The following NRXN3 variants were observed in gnomAD, a reference collection of about 807,000 sequenced individuals.
NRXN3 encodes neurexin 3.
NRXN3 carries 32 observed loss-of-function variants against 137.6 expected under a neutral mutation model. The observed-to-expected ratio is 0.23, with a 90% CI of 0.18 to 0.31. The LOEUF (loss-of-function observed/expected upper bound fraction) is 0.31. Among genes scored for constraint, NRXN3 ranks in the 10% least tolerant of loss-of-function variants. The probability of loss-of-function intolerance (pLI) is 1.00; values close to 1 mark genes in which losing one functional copy is unlikely to be tolerated. For synonymous variants in NRXN3, 798 were observed against 784.5 expected, an observed-to-expected ratio of 1.02 and a Z score of -0.29; for missense variants, 1,574 against 2,062.5, an observed-to-expected ratio of 0.76 and a Z score of 4.59.
chr14:79,449,227 A>C (rs1391313040), intron 15 of NRXN3, among the ~76,000 whole-genome samples: 4 of 152,140 alleles, frequency 2.6e-5, no homozygotes, highest in African/African-American at 9.7e-5. Context: ...TTAAATAGCC[A>C]CTATACTTGT....
At position 79,006,949 on chromosome 14, in the gene NRXN3, ACT is replaced by A. The variant is rs372578614; in HGVS notation, c.3262+18809_3262+18810del. Among the ~76,000 whole-genome samples the A allele has an allele frequency of 1.4e-4, 22 of 152,256 alleles. 1 individual carries two copies. Among genetic ancestry groups the A allele is most frequent in the African/African-American group, 2.6e-4 (11 of 41,558 alleles). On this transcript the variant is annotated intron_variant, in intron 15 of 20. Coordinates refer to ENST00000335750, the MANE Select transcript of NRXN3 (RefSeq NM_001330195.2). ...AGGGCTCTGATTCTTGCTCAAACTC[ACT>A]ACTGCTAAACTGAAATGCTTGAGGT...
chr14:79,465,545 A>T (rs1199580421), intron 15 of NRXN3, among the ~76,000 whole-genome samples: 2 of 152,238 alleles, frequency 1.3e-5, no homozygotes, highest in African/African-American at 2.4e-5. Context: ...TTTAGGAAGG[A>T]TGACATATGA....
At chr14:79,034,497 G>C (rs892033197) in intron 15 of NRXN3, among the ~76,000 whole-genome samples, 2 of 152,094 alleles carry the variant, frequency 1.3e-5, no homozygotes, top group African/African-American at 2.4e-5. Flanking sequence ...GAGCCCCGTT[G>C]TACCATCTGG....
rs550346047 is a variant in NRXN3, at chr14:79,398,909, C to G, written c.3263-68312C>G. The stretch of plus-strand genomic sequence containing the variant: ...CCTGTAGTCCCAGCTACTCGGTACA[C>G]TGAGGCAGGAGAATCACTTGAACCT... On this transcript the variant is annotated intron_variant, in intron 15 of 20. Transcript: ENST00000335750. Among the ~76,000 whole-genome samples the G allele has an allele frequency of 2.0e-5, 3 of 147,650 alleles. No homozygotes were observed. In the South Asian group the frequency reaches 6.4e-4, roughly 32 times the overall value.
intron 8 of NRXN3, among the ~76,000 whole-genome samples, chr14:78,780,526 A>G (rs1470648285): frequency 6.6e-6 from 1 of 152,174 alleles, no homozygotes; most frequent in Non-Finnish European, 1.5e-5. Context: ...ACAGACTTGG[A>G]GAAAACATTG....
chr14:78,923,701 G>A (rs774519537), intron 10 of NRXN3, among the ~76,000 whole-genome samples: 1 of 152,176 alleles, frequency 6.6e-6, no homozygotes, highest in African/African-American at 2.4e-5. Context: ...TATTTGATCT[G>A]TGCGTGTGCC....
chr14:79,832,183 T>A (rs1052194958), intron 20 of NRXN3, among the ~76,000 whole-genome samples: 1 of 152,198 alleles, frequency 6.6e-6, no homozygotes, highest in Non-Finnish European at 1.5e-5. Context: ...TTAATTGTAA[T>A]ATTTTCATTT....
In NRXN3 at chr14:78,516,364, AG is replaced by A. The variant is rs2096207284; in HGVS notation, c.758-128754del. On this transcript the variant is annotated intron_variant, in intron 4 of 20. Transcript: ENST00000335750. ...TTTTAATTCTATAGAATAGAAAAGA[AG>A]GAATTGGGGCTAGGCTGAGCAGCAG... Among the ~76,000 whole-genome samples the A allele has an allele frequency of 1.3e-5, 2 of 148,872 alleles. 1 individual carries two copies. Among genetic ancestry groups the A allele is most frequent in the Non-Finnish European group, 3.0e-5 (2 of 67,190 alleles).
intron 16 of NRXN3, among the ~76,000 whole-genome samples, chr14:79,529,592 A>C (rs1212798838): frequency 6.6e-6 from 1 of 152,264 alleles, no homozygotes; most frequent in African/African-American, 2.4e-5. Flanking sequence ...GTCTTACCAG[A>C]AATAGCAATT....
At chr14:78,382,753 C>G (rs1779696439) in intron 4 of NRXN3, among the ~76,000 whole-genome samples, 1 of 152,148 alleles carries the variant, frequency 6.6e-6, no homozygotes, top group Admixed American at 6.6e-5. Flanking sequence ...CCCCTATTCC[C>G]TCTCCTTGTT....
In NRXN3 at chr14:78,511,734, A is replaced by G. The variant is rs555826229; in HGVS notation, c.758-133386A>G. On this transcript the variant is annotated intron_variant, in intron 4 of 20. Coordinates refer to ENST00000335750, the MANE Select transcript of NRXN3 (RefSeq NM_001330195.2). ...TCGACAGATTTCCTATCAGCTATTT[A>G]TCCATCATTACTAAGAATTACGGAG... Among the ~76,000 whole-genome samples, 55 of 152,312 alleles carry G rather than the reference A, an allele frequency of 3.6e-4. 1 individual carries two copies. The South Asian group carries it at 0.01, about 28-fold the overall frequency.
At chr14:78,803,897 A>T (rs554947421) in intron 9 of NRXN3, 74 bp downstream of exon 9, 1 of 1,393,176 alleles carries the variant, frequency 7.2e-7, no homozygotes, top group Non-Finnish European at 1.0e-6. Flanking sequence ...CATTGGTTTG[A>T]TTGAATTCTT....
chr14:79,170,094 G>A (rs766023), intron 15 of NRXN3, among the ~76,000 whole-genome samples: 83,248 of 151,830 alleles, frequency 0.55, 23,877 homozygotes, highest in Middle Eastern at 0.64. Flanking sequence ...AATTTTGATT[G>A]TATGGGTTAA....
chr14:78,395,912 G>A (rs1158188639), intron 4 of NRXN3, among the ~76,000 whole-genome samples: 1 of 151,832 alleles, frequency 6.6e-6, no homozygotes, highest in Non-Finnish European at 1.5e-5. Context: ...ATAGCATATA[G>A]TTGGGTCATG....
intron 4 of NRXN3, among the ~76,000 whole-genome samples, chr14:78,497,779 A>C (rs1265078949): frequency 6.6e-6 from 1 of 152,170 alleles, no homozygotes; most frequent in Non-Finnish European, 1.5e-5. Context: ...AATTCTGCCC[A>C]TTACTTTAGC....
At chr14:79,180,380 C>A (rs1384226501) in intron 15 of NRXN3, among the ~76,000 whole-genome samples, 1 of 152,094 alleles carries the variant, frequency 6.6e-6, no homozygotes, top group Non-Finnish European at 1.5e-5. Context: ...CCCCATTTTT[C>A]CCCCTTGGCC....
intron 17 of NRXN3, among the ~76,000 whole-genome samples, chr14:79,666,433 TTTTG>T (rs1315983028): frequency 2.6e-5 from 4 of 152,106 alleles, no homozygotes; most frequent in Non-Finnish European, 5.9e-5. Context: ...TAGGACATAT[TTTTG>T]AGTACAGATT....
intron 1 of NRXN3, among the ~76,000 whole-genome samples, chr14:78,197,932 C>T (rs1307771828): frequency 6.6e-6 from 1 of 152,154 alleles, no homozygotes; most frequent in African/African-American, 2.4e-5. Context: ...GTATATAAAG[C>T]AATATGAAGC....
intron 8 of NRXN3, among the ~76,000 whole-genome samples, chr14:78,729,451 T>C (rs894738011): frequency 6.6e-6 from 1 of 152,162 alleles, no homozygotes; most frequent in African/African-American, 2.4e-5. Context: ...ACATGAGAAA[T>C]ACATTGGGAT....
Sources: allele counts gnomAD v4.1 joint callset (sites outside exome capture counted in the v4.1 genomes callset), GRCh38; gene constraint gnomAD v4.1.1; transcripts MANE v1.5; gene names NCBI Gene and HGNC (gene_info 2026-07-23, HGNC 2026-07-21).